The following TOP6BL variants were observed in gnomAD, a reference collection of about 807,000 sequenced individuals.
TOP6BL encodes TOP6B like initiator of meiotic double strand breaks.
chr11:66,810,599 A>G, the TOP6BL span, among the ~76,000 whole-genome samples: 9 of 152,160 alleles, frequency 5.9e-5, no homozygotes, highest in South Asian at 1.4e-3. Flanking sequence ...GTTACAAGAG[A>G]AAAGGAGCAA....
chr11:66,840,344 C>T, the TOP6BL span, among the ~76,000 whole-genome samples: 8 of 152,190 alleles, frequency 5.3e-5, no homozygotes, highest in Non-Finnish European at 1.2e-4. Context: ...ACTCACCCAA[C>T]TTGCACCCTC....
the TOP6BL span, among the ~76,000 whole-genome samples, chr11:66,819,780 G>A: frequency 1.3e-5 from 2 of 151,832 alleles, no homozygotes; most frequent in Non-Finnish European, 2.9e-5. Flanking sequence ...GCAGGCGCCT[G>A]TAATCCCAGC....
chr11:66,753,653 G>A, the TOP6BL span, among the ~76,000 whole-genome samples: 1 of 151,924 alleles, frequency 6.6e-6, no homozygotes, highest in African/African-American at 2.4e-5. Context: ...TGATCCACCT[G>A]CCTTGGCCTC....
chr11:66,759,634 A>G, the TOP6BL span, among the ~76,000 whole-genome samples: 8 of 152,266 alleles, frequency 5.3e-5, no homozygotes, highest in African/African-American at 1.9e-4. Flanking sequence ...CCCAGGCTGG[A>G]GTGCAGTGGT....
At chr11:66,835,680 T>C in the TOP6BL span, among the ~76,000 whole-genome samples, 40 of 152,260 alleles carry the variant, frequency 2.6e-4, no homozygotes, top group Non-Finnish European at 4.9e-4. Context: ...TGGGCCTTTA[T>C]GTGCCTTCTT....
At chr11:66,821,896 C>A in the TOP6BL span, 1 of 1,074,764 alleles carries the variant, frequency 9.3e-7, no homozygotes, top group Non-Finnish European at 1.3e-6. Context: ...CCTGGGTGAT[C>A]TTGTAACACT....
the TOP6BL span, among the ~76,000 whole-genome samples, chr11:66,819,037 A>T: frequency 6.6e-6 from 1 of 152,368 alleles, no homozygotes; most frequent in Non-Finnish European, 1.5e-5. Context: ...CCTCTGAAGA[A>T]GATGCACAGT....
the TOP6BL span, chr11:66,744,846 G>GGCGGCGGCGGC: frequency 7.8e-7 from 1 of 1,281,970 alleles, no homozygotes; most frequent in Non-Finnish European, 9.9e-7. Flanking sequence ...GCGGCGGCGG[G>GGCGGCGGCGGC]CGGGTACCCT....
At chr11:66,763,406 GTTTTA>G in the TOP6BL span, among the ~76,000 whole-genome samples, 3 of 151,918 alleles carry the variant, frequency 2.0e-5, no homozygotes, top group Non-Finnish European at 2.9e-5. Context: ...AATGTTTTTT[GTTTTA>G]TTTTGAGCAC....
chr11:66,831,609 A>G, the TOP6BL span, among the ~76,000 whole-genome samples: 1 of 152,234 alleles, frequency 6.6e-6, no homozygotes, highest in Non-Finnish European at 1.5e-5. Flanking sequence ...TGGAATGATT[A>G]TAAAGGGCAG....
At chr11:66,826,278 T>C in the TOP6BL span, among the ~76,000 whole-genome samples, 1 of 152,340 alleles carries the variant, frequency 6.6e-6, no homozygotes, top group Non-Finnish European at 1.5e-5. Flanking sequence ...AGCATTCTAT[T>C]TTCATATATA....
chr11:66,821,890 G>A, the TOP6BL span: 32 of 1,162,602 alleles, frequency 2.8e-5, no homozygotes, highest in African/African-American at 3.4e-4. Flanking sequence ...CTGTCACCTG[G>A]GTGATCTTGT....
chr11:66,803,483 C>T, the TOP6BL span, among the ~76,000 whole-genome samples: 1 of 152,152 alleles, frequency 6.6e-6, no homozygotes, highest in East Asian at 1.9e-4. Context: ...GGCTGGAGTG[C>T]AGTGGCGCAA....
At chr11:66,756,406 C>T in the TOP6BL span, 4 of 1,142,790 alleles carry the variant, frequency 3.5e-6, no homozygotes, top group South Asian at 1.5e-5. Flanking sequence ...AGTCTCGGCT[C>T]ACTGCAACCT....
At chr11:66,814,237 A>G in the TOP6BL span, among the ~76,000 whole-genome samples, 3 of 151,760 alleles carry the variant, frequency 2.0e-5, no homozygotes, top group African/African-American at 4.8e-5. Flanking sequence ...TTGGCATTGC[A>G]TGTTTTTTTT....
At chr11:66,809,503 C>T in the TOP6BL span, among the ~76,000 whole-genome samples, 3 of 152,220 alleles carry the variant, frequency 2.0e-5, no homozygotes, top group South Asian at 2.1e-4. Context: ...TTTGACTATA[C>T]GTTCTTAGCA....
the TOP6BL span, among the ~76,000 whole-genome samples, chr11:66,798,597 C>CA: frequency 0.13 from 5,286 of 41,406 alleles, 351 homozygotes; most frequent in African/African-American, 0.15. Context: ...GACTCTGTCT[C>CA]AAAAAAAAAA....
At chr11:66,789,547 A>G in the TOP6BL span, among the ~76,000 whole-genome samples, 3 of 152,200 alleles carry the variant, frequency 2.0e-5, no homozygotes, top group Admixed American at 1.3e-4. Flanking sequence ...ATGGAGGGTA[A>G]ACAATCTGGA....
chr11:66,833,679 G>T, the TOP6BL span, among the ~76,000 whole-genome samples: 1 of 152,082 alleles, frequency 6.6e-6, no homozygotes, highest in South Asian at 2.1e-4. Flanking sequence ...CAGGTGCGGT[G>T]GCTCACTCCT....
Sources: gnomAD v4.1 joint callset for allele counts (sites outside exome capture counted in the v4.1 genomes callset) on GRCh38, gnomAD v4.1.1 for gene constraint, MANE v1.5 for transcripts, NCBI Gene and HGNC (gene_info 2026-07-23, HGNC 2026-07-21) for gene names.